SSX1: variants seen among roughly 807,000 people sequenced by gnomAD.
SSX1 encodes the protein SSX family member 1.
A neutral mutation model predicts 14.6 loss-of-function variants in SSX1; 58 were observed. That is an observed-to-expected ratio of 3.96 (90% CI 3.21 to 4.93). SSX1 has a LOEUF of 4.93. Ranked by LOEUF, SSX1 falls within the 30% of genes most tolerant of loss-of-function variation. SSX1 has a pLI of 0.00. For missense variants in SSX1, 272 were observed against 143.1 expected (o/e 1.90, Z -4.60); for synonymous variants, 46 against 52.1 (o/e 0.88, Z 0.50).
At chrX:48,265,278 G>C (rs1210866304) in intron 6 of SSX1, among the ~76,000 whole-genome samples, 1 of 112,274 alleles carries the variant, frequency 8.9e-6, no homozygotes, top group Non-Finnish European at 1.9e-5. Context: ...TTTGGTGCAA[G>C]AGGCCTAGCT....
In SSX1 at chrX:48,257,726, T is replaced by C. The variant is rs782432036; in HGVS notation, c.70-20T>C. The C allele has an allele frequency of 8.4e-7, 1 of 1,187,404 alleles. No homozygotes were observed. The highest frequency in any genetic ancestry group is 1.8e-5 in the South Asian group (1 of 55,077). The stretch of plus-strand genomic sequence containing the variant: ...CATACCTAGCTGAGTCACTGACAAA[T>C]TTTATTTTATTTTTTTTAGGCCTTT... On this transcript the variant is annotated intron_variant, in intron 2 of 7. Coordinates refer to ENST00000376919, the MANE Select transcript of SSX1 (RefSeq NM_005635.4).
At chrX:48,259,653 C>T (rs1486216517) in intron 4 of SSX1, among the ~76,000 whole-genome samples, 1 of 110,685 alleles carries the variant, frequency 9.0e-6, no homozygotes, top group Non-Finnish European at 1.9e-5. Flanking sequence ...TTCCCGTGTC[C>T]TTGTGTTCTC....
At chrX:48,262,310 A>G (rs2059606919) in intron 5 of SSX1, among the ~76,000 whole-genome samples, 1 of 112,354 alleles carries the variant, frequency 8.9e-6, no homozygotes, top group South Asian at 3.7e-4. Context: ...TTCCTGGGGC[A>G]CAGTGTCAGT....
At chrX:48,261,116 G>T (rs1299759053) in intron 4 of SSX1, among the ~76,000 whole-genome samples, 1 of 111,766 alleles carries the variant, frequency 8.9e-6, no homozygotes, top group Non-Finnish European at 1.9e-5. Flanking sequence ...TTCAGGAATA[G>T]AAAGGGGACA....
At position 48,266,877 on chromosome X, in the gene SSX1, T is replaced by A. The variant is rs2059625802; in HGVS notation, c.*28T>A. The A allele has an allele frequency of 4.5e-6, 5 of 1,113,709 alleles. No individual in the cohort carries two copies. The highest frequency in any genetic ancestry group is 6.0e-5 in the East Asian group (2 of 33,311). 91.8% of individuals were successfully genotyped at this position (1,113,709 alleles called of 1,213,427 possible). On this transcript the variant is annotated 3_prime_UTR_variant, in exon 8 of 8. Transcript: ENST00000376919. Reference sequence around the variant, plus strand: ...AGCCTGGGGGATACGACACATGCCCTTGATGAGAAGCAGAACGTGGTGACC... The same window carrying A: ...AGCCTGGGGGATACGACACATGCCCATGATGAGAAGCAGAACGTGGTGACC...
Position 48,267,383 on chromosome X carries a change from A to C in SSX1, c.*534A>C. ...TCACTCTGTTTCCTGTTCAGCATGT[A>C]CTCCCCTCATCCGATTCCCCTGTAT... On this transcript the variant is annotated 3_prime_UTR_variant, in exon 8 of 8. Transcript: ENST00000376919. The C allele has an allele frequency of 5.7e-6, 1 of 176,346 alleles. No homozygotes were observed. The highest frequency in any genetic ancestry group is 1.1e-5 in the Non-Finnish European group (1 of 92,920). 14.5% of individuals were successfully genotyped at this position (176,346 alleles called of 1,213,427 possible).
intron 6 of SSX1, among the ~76,000 whole-genome samples, chrX:48,264,386 C>T (rs1465384968): frequency 2.7e-5 from 3 of 112,264 alleles, no homozygotes; most frequent in Non-Finnish European, 5.6e-5. Context: ...CATTGTTTTT[C>T]GTTTGTTTCG....
chrX:48,261,386 A>G (rs2059603230), intron 4 of SSX1, among the ~76,000 whole-genome samples: 1 of 112,297 alleles, frequency 8.9e-6, no homozygotes, highest in Non-Finnish European at 1.9e-5. Context: ...TAACAGCTTA[A>G]TTCACATACC....
chrX:48,257,449 C>T lies in SSX1; in HGVS notation c.69+139C>T, dbSNP rs2059586416. 2.6e-6 allele frequency: 3 copies of T among 1,167,245 alleles called. No individual in the cohort carries two copies. The African/African-American group carries it at 5.4e-5, about 21-fold the overall frequency. On this transcript the variant is annotated intron_variant, in intron 2 of 7. Coordinates refer to ENST00000376919, the MANE Select transcript of SSX1 (RefSeq NM_005635.4). Reference sequence around the variant, plus strand: ...GATCTGGACCCTTGGGAGCCTCCCACCTGTGTTCTGTCATCACCTAGCATC... The same window carrying T: ...GATCTGGACCCTTGGGAGCCTCCCATCTGTGTTCTGTCATCACCTAGCATC...
At position 48,256,207 on chromosome X, in the gene SSX1, T is replaced by C. The variant is rs2059580494; in HGVS notation, c.-21+775T>C. Among the ~76,000 whole-genome samples, 5 of 110,291 alleles carry C rather than the reference T, an allele frequency of 4.5e-5. No homozygotes were observed. The South Asian group carries it at 1.9e-3, about 42-fold the overall frequency. On this transcript the variant is annotated intron_variant, in intron 1 of 7. Transcript: ENST00000376919. ...GTAGTAGAAATGGGGTTTTGCTATG[T>C]TGGCCAGGCTGGCCTCAACCTCCTG...
chrX:48,258,475 T>G, intron 3 of SSX1, 61 bp from the exon 4 acceptor site: 36 of 906,918 alleles, frequency 4.0e-5, no homozygotes, highest in Non-Finnish European at 5.5e-5. Flanking sequence ...ACTACAGACA[T>G]GAGCCACCAT....
intron 6 of SSX1, among the ~76,000 whole-genome samples, chrX:48,265,210 T>C (rs1420220287): frequency 8.9e-6 from 1 of 112,369 alleles, no homozygotes; most frequent in Admixed American, 9.5e-5. Context: ...ACTTTTCCTT[T>C]GCATTATATA....
chrX:48,256,256 G>A (rs1159735560), intron 1 of SSX1, among the ~76,000 whole-genome samples: 11 of 108,966 alleles, frequency 1.0e-4, no homozygotes, highest in African/African-American at 3.3e-4. Flanking sequence ...CTCTTGCCTC[G>A]GCCTCGGAAC....
intron 4 of SSX1, among the ~76,000 whole-genome samples, chrX:48,260,692 A>C (rs1170670542): frequency 9.0e-6 from 1 of 111,685 alleles, no homozygotes; most frequent in East Asian, 2.8e-4. Flanking sequence ...CAATGTACAA[A>C]AATCACAAGC....
rs1228143585 is a variant in SSX1, at chrX:48,259,587, G to A, written c.280+956G>A. On this transcript the variant is annotated intron_variant, in intron 4 of 7. Transcript: ENST00000376919. Reference sequence around the variant, plus strand: ...TCTAGCATTAGGTATATCTCCCAACGCCATCCCTTCCCCCTCTCCCCACCC... The same window carrying A: ...TCTAGCATTAGGTATATCTCCCAACACCATCCCTTCCCCCTCTCCCCACCC... Among the ~76,000 whole-genome samples, 5 of 110,715 alleles carry A rather than the reference G, an allele frequency of 4.5e-5. No homozygotes were observed. In the East Asian group the frequency reaches 8.5e-4, roughly 19 times the overall value.
intron 5 of SSX1, 35 bp downstream of exon 5, chrX:48,261,850 C>A: frequency 2.5e-6 from 3 of 1,198,831 alleles, no homozygotes; most frequent in Non-Finnish European, 3.4e-6. Flanking sequence ...ACCAGAGAAC[C>A]TTTTTCCTTT....
intron 6 of SSX1, 129 bp downstream of exon 6, chrX:48,264,046 C>A (rs1484358242): frequency 9.3e-7 from 1 of 1,074,094 alleles, no homozygotes; most frequent in Non-Finnish European, 1.2e-6. Flanking sequence ...CGCCCAGCTC[C>A]AGATGAGATG....
At chrX:48,258,417 A>G in intron 3 of SSX1, 119 bp from the exon 4 acceptor site, 1 of 548,032 alleles carries the variant, frequency 1.8e-6, no homozygotes, top group Non-Finnish European at 3.2e-6. Context: ...TCATCTTGAA[A>G]TCCTGGCCTC....
chrX:48,257,036 G>A (rs1454004186), intron 1 of SSX1, among the ~76,000 whole-genome samples, 186 bp from the exon 2 acceptor site: 6 of 111,218 alleles, frequency 5.4e-5, no homozygotes, highest in African/African-American at 2.0e-4. Flanking sequence ...ACTTCTCCCA[G>A]AGACTCCAGG....
Sources: gnomAD v4.1 joint callset for allele counts (sites outside exome capture counted in the v4.1 genomes callset) on GRCh38, gnomAD v4.1.1 for gene constraint, MANE v1.5 for transcripts, NCBI Gene and HGNC (gene_info 2026-07-23, HGNC 2026-07-21) for gene names.